Variants in TRPV5 observed in about 807,000 individuals in gnomAD.
TRPV5 encodes calcium transport protein 2.
TRPV5 carries 66 observed loss-of-function variants against 74.1 expected under a neutral mutation model. That is an observed-to-expected ratio of 0.89 (90% CI 0.73 to 1.09). The LOEUF is 1.09. Among genes scored for constraint, TRPV5 ranks in the 50% least tolerant of loss-of-function variants. TRPV5 has a pLI of 0.00. For synonymous variants in TRPV5, 399 were observed against 360.7 expected (o/e 1.11, Z -1.20); for missense variants, 936 against 930.4 (o/e 1.01, Z -0.08).
intron 13 of TRPV5, 69 bp from the exon 14 acceptor site, chr7:142,909,665 A>G: frequency 3.9e-6 from 6 of 1,534,974 alleles, no homozygotes; most frequent in Non-Finnish European, 5.3e-6. Flanking sequence ...CACTGAGGCC[A>G]CTGATAAAGG....
At chr7:142,913,271 C>T (rs1024664333) in intron 12 of TRPV5, among the ~76,000 whole-genome samples, 5 of 152,130 alleles carry the variant, frequency 3.3e-5, no homozygotes, top group Non-Finnish European at 7.4e-5. Flanking sequence ...ACATAGGAAA[C>T]GGATTCCTGC....
In TRPV5 at chr7:142,933,422, C is replaced by T. The variant is rs1211077130; in HGVS notation, c.38G>A (p.Ser13Asn). The T allele has an allele frequency of 1.9e-6, 3 of 1,614,156 alleles. No individual in the cohort carries two copies. ...GGAGGGCAGAAGTTTCTGGAGTTGG[C>T]TCCCGGGCCCTTCTGCCTTAGGTAG... is the stretch of plus-strand genomic sequence containing the variant. ...GFLPKAEGPGSQLQKLLPSFL... is the reference protein window; with the variant it reads ...GFLPKAEGPGNQLQKLLPSFL... The change falls in exon 1 of 15, where the codon AGC (serine) becomes AAC (asparagine). Residue 13 changes from serine to asparagine, a missense_variant. Ser to Asn is a conservative substitution (Grantham distance 46). Coordinates refer to ENST00000265310, the MANE Select transcript of TRPV5 (RefSeq NM_019841.7).
chr7:142,930,282 C>A (rs1037906484), intron 2 of TRPV5, 67 bp downstream of exon 2: 1 of 1,610,428 alleles, frequency 6.2e-7, no homozygotes, highest in Non-Finnish European at 8.5e-7. Flanking sequence ...TTCACAAACT[C>A]GAAGTCTTGG....
At chr7:142,926,064 C>T (rs1795984673) in intron 7 of TRPV5, among the ~76,000 whole-genome samples, 1 of 152,058 alleles carries the variant, frequency 6.6e-6, no homozygotes, top group Non-Finnish European at 1.5e-5. Flanking sequence ...TCTGAGAAGC[C>T]ATTGCCCATT....
At chr7:142,927,384 T>A (rs969089036) in intron 7 of TRPV5, among the ~76,000 whole-genome samples, 1 of 152,246 alleles carries the variant, frequency 6.6e-6, no homozygotes, top group Non-Finnish European at 1.5e-5. Context: ...GTGCCTGACA[T>A]ACAGCGGGTG....
intron 8 of TRPV5, among the ~76,000 whole-genome samples, chr7:142,921,448 A>T (rs1795884631): frequency 6.6e-6 from 1 of 151,946 alleles, no homozygotes. Flanking sequence ...TGCCTGGCTA[A>T]TTTTTTGTAT....
In TRPV5 at chr7:142,933,683, T is replaced by C. The variant is rs1320007540; in HGVS notation, c.-224A>G. The C allele has an allele frequency of 1.7e-6, 1 of 586,884 alleles. No homozygotes were observed. The highest frequency in any genetic ancestry group is 3.0e-6 in the Non-Finnish European group (1 of 337,100). The allele number at this position is 586,884 out of a possible 1,614,324, so 36.4% of individuals were successfully genotyped here. The stretch of plus-strand genomic sequence containing the variant: ...ATGCACAGTGTGTGGCTGTGGTGTA[T>C]GTGTGTGCATGCAGTGTGTGGTTGT... On this transcript the variant is annotated 5_prime_UTR_variant, in exon 1 of 15. Transcript: ENST00000265310.
intron 13 of TRPV5, among the ~76,000 whole-genome samples, chr7:142,911,979 T>A (rs538739257): frequency 6.6e-6 from 1 of 152,190 alleles, no homozygotes; most frequent in Non-Finnish European, 1.5e-5. Flanking sequence ...ATTTGCAAGA[T>A]AATAAGGTAC....
intron 10 of TRPV5, 83 bp from the exon 11 acceptor site, chr7:142,915,129 C>A: frequency 6.5e-7 from 1 of 1,547,302 alleles, no homozygotes; most frequent in Non-Finnish European, 8.8e-7. Context: ...GGGGTGGTAT[C>A]CACACACTCA....
Position 142,918,388 on chromosome 7 carries a change from G to T in TRPV5, c.1123-2820C>A, listed in dbSNP as rs574268235. Among the ~76,000 whole-genome samples, 5 of 152,214 alleles carry T rather than the reference G, an allele frequency of 3.3e-5. No individual in the cohort carries two copies. The East Asian group carries it at 9.7e-4, about 29-fold the overall frequency. ...TCTCTGACATGTTTTCCTTTCCCTT[G>T]GTTAACAGAACTTATGCCTTAGGGC... On this transcript the variant is annotated intron_variant, in intron 8 of 14. Coordinates refer to ENST00000265310, the MANE Select transcript of TRPV5 (RefSeq NM_019841.7).
At chr7:142,915,937 G>A (rs1795788353) in intron 8 of TRPV5, among the ~76,000 whole-genome samples, 1 of 152,150 alleles carries the variant, frequency 6.6e-6, no homozygotes, top group African/African-American at 2.4e-5. Flanking sequence ...TCAGCTATGT[G>A]GAAAGTCCAC....
chr7:142,915,714 TTGTGGGTAACTC>T, intron 8 of TRPV5, 146 bp from the exon 9 acceptor site: 1 of 717,932 alleles, frequency 1.4e-6, no homozygotes, highest in East Asian at 2.7e-5. Context: ...GTACTTGCCA[TTGTGGGTAACTC>T]TGTGACCAGG....
At position 142,933,562 on chromosome 7, in the gene TRPV5, A is replaced by T. The variant is rs1586232967; in HGVS notation, c.-103T>A. The T allele has an allele frequency of 6.7e-7, 1 of 1,482,162 alleles. No individual in the cohort carries two copies. The highest frequency in any genetic ancestry group is 2.3e-5 in the East Asian group (1 of 43,964). 91.8% of individuals were successfully genotyped at this position (1,482,162 alleles called of 1,614,324 possible). On this transcript the variant is annotated 5_prime_UTR_variant, in exon 1 of 15. Coordinates refer to ENST00000265310, the MANE Select transcript of TRPV5 (RefSeq NM_019841.7). The stretch of plus-strand genomic sequence containing the variant: ...GAGATGGGGTCTATTTGGGGCTGGG[A>T]CTCTGAGTTTATCTCCTGTATGACT...
At chr7:142,930,567 G>A in intron 1 of TRPV5, 121 bp from the exon 2 acceptor site, 1 of 766,612 alleles carries the variant, frequency 1.3e-6, no homozygotes. Context: ...GTGACAAATT[G>A]GAAAGAAGTG....
At chr7:142,915,099 C>G in intron 10 of TRPV5, 53 bp from the exon 11 acceptor site, 1 of 1,593,724 alleles carries the variant, frequency 6.3e-7, no homozygotes, top group Non-Finnish European at 8.6e-7. Context: ...ATTTTAGGTC[C>G]CTACAGCATA....
intron 12 of TRPV5, among the ~76,000 whole-genome samples, chr7:142,913,268 A>C (rs1293213251): frequency 6.6e-6 from 1 of 152,166 alleles, no homozygotes; most frequent in Non-Finnish European, 1.5e-5. Context: ...CCAACATAGG[A>C]AACGGATTCC....
At chr7:142,919,412 G>A (rs1795848473) in intron 8 of TRPV5, among the ~76,000 whole-genome samples, 1 of 152,190 alleles carries the variant, frequency 6.6e-6, no homozygotes, top group South Asian at 2.1e-4. Flanking sequence ...ACGCAGAAGG[G>A]TGGTAAGGAG....
chr7:142,932,510 T>A (rs2116613356), intron 1 of TRPV5, among the ~76,000 whole-genome samples: 1 of 152,246 alleles, frequency 6.6e-6, no homozygotes, highest in East Asian at 1.9e-4. Flanking sequence ...AGCACAGGAA[T>A]CTTCTGGAGT....
At chr7:142,911,747 T>C (rs1795706330) in intron 13 of TRPV5, among the ~76,000 whole-genome samples, 1 of 152,218 alleles carries the variant, frequency 6.6e-6, no homozygotes, top group Non-Finnish European at 1.5e-5. Context: ...TAAATGATCA[T>C]CATTAAATGA....
Sources: allele counts gnomAD v4.1 joint callset (sites outside exome capture counted in the v4.1 genomes callset), GRCh38; gene constraint gnomAD v4.1.1; transcripts MANE v1.5; gene names NCBI Gene and HGNC (gene_info 2026-07-23, HGNC 2026-07-21).